LRRK1: variants seen among roughly 807,000 people sequenced by gnomAD.
LRRK1 encodes leucine rich repeat kinase 1.
LRRK1 carries 113 observed loss-of-function variants against 209.1 expected under a neutral mutation model. That is an observed-to-expected ratio of 0.54 (90% CI 0.46 to 0.63). LRRK1 has a LOEUF of 0.63. Among genes scored for constraint, LRRK1 ranks in the 30% least tolerant of loss-of-function variants. The pLI is 0.00. For missense variants in LRRK1, 2,284 were observed against 2,632.2 expected (o/e 0.87, Z 2.89); for synonymous variants, 1,144 against 1,099.7 (o/e 1.04, Z -0.80).
At position 101,022,795 on chromosome 15, in the gene LRRK1, GTTTTCTTTTTCTTTAC is replaced by G. The variant is rs1043829255; in HGVS notation, c.2067+209_2067+224del. Among the ~76,000 whole-genome samples, 37 of 151,596 alleles carry G rather than the reference GTTTTCTTTTTCTTTAC, an allele frequency of 2.4e-4. 1 individual carries two copies. Among genetic ancestry groups the G allele is most frequent in the Admixed American group, 5.9e-4 (9 of 15,254 alleles). ...TCATTTCTTAATGTGACTTTGTGAT[GTTTTCTTTTTCTTTAC>G]TTTTCTTTTTTTTTTTTCTTGAGAC... On this transcript the variant is annotated intron_variant, in intron 15 of 33. Transcript: ENST00000388948. This position sits in a 1 kb window ranked among gnomAD's most constrained non-coding sequence, Gnocchi z 4.0.
intron 10 of LRRK1, among the ~76,000 whole-genome samples, chr15:101,013,322 G>A (rs908239402): frequency 6.6e-6 from 1 of 152,228 alleles, no homozygotes; most frequent in Non-Finnish European, 1.5e-5. Context: ...ATTTAATGTG[G>A]GGCAGCAAAC....
Position 101,065,974 on chromosome 15 carries a change from C to T in LRRK1, c.5537C>T (p.Ser1846Leu), listed in dbSNP as rs201730508. The change falls in exon 32 of 34, where the codon TCA (serine) becomes TTA (leucine). Residue 1846 changes from serine to leucine, a missense_variant. By Grantham distance (145) the Ser-to-Leu change is moderately radical. Coordinates refer to ENST00000388948, the MANE Select transcript of LRRK1 (RefSeq NM_024652.6). ...TDYCSMSSYS[S>L]SPPRQAARSP... is the part of the protein sequence containing the mutation. The stretch of plus-strand genomic sequence containing the variant: ...TACTGCTCCATGTCCTCCTACTCCT[C>T]ATCCCCACCCCGCCAGGCTGCCAGG... 5 of 1,614,056 alleles carry T rather than the reference C, an allele frequency of 3.1e-6. No individual in the cohort carries two copies. Among genetic ancestry groups the T allele is most frequent in the Non-Finnish European group, 4.2e-6 (5 of 1,180,038 alleles).
Position 101,022,614 on chromosome 15 carries a change from G to T in LRRK1, c.2067+17G>T, listed in dbSNP as rs374177935. Reference sequence around the variant, plus strand: ...AGAGCCAAGGTCAAGGATGGTCTGCGTGCAGAGTCCCTGTGGGTGGGAGGA... The same window carrying T: ...AGAGCCAAGGTCAAGGATGGTCTGCTTGCAGAGTCCCTGTGGGTGGGAGGA... On this transcript the variant is annotated intron_variant, in intron 15 of 33. Transcript: ENST00000388948. This position sits in a 1 kb window ranked among gnomAD's most constrained non-coding sequence, Gnocchi z 4.0. 14 of 1,554,766 alleles carry T rather than the reference G, an allele frequency of 9.0e-6. No homozygotes were observed. The highest frequency in any genetic ancestry group is 9.7e-6 in the Non-Finnish European group (11 of 1,138,380).
rs558211433 is a variant in LRRK1, at chr15:101,053,734, G to A, written c.4054+314G>A. Among the ~76,000 whole-genome samples, 25 of 152,336 alleles carry A rather than the reference G, an allele frequency of 1.6e-4. No individual in the cohort carries two copies. In the East Asian group the frequency reaches 4.1e-3, roughly 25 times the overall value. On this transcript the variant is annotated intron_variant, in intron 26 of 33. Coordinates refer to ENST00000388948, the MANE Select transcript of LRRK1 (RefSeq NM_024652.6). The stretch of plus-strand genomic sequence containing the variant: ...TAACAGGCCTCGCTGGGAGGGCACC[G>A]AGCACGGGAGCTGCATTGAATCACT...
rs979749992 is a variant in LRRK1, at chr15:101,066,574, G to A, written c.5769-66G>A. On this transcript the variant is annotated intron_variant, in intron 32 of 33. Coordinates refer to ENST00000388948, the MANE Select transcript of LRRK1 (RefSeq NM_024652.6). ...TCCCTCCCGCACCTTTCTGCACACC[G>A]GCTTCACTCCCCGGAGAGCACGGCT... 55 of 1,467,704 alleles carry A rather than the reference G, an allele frequency of 3.7e-5. No homozygotes were observed. The Middle Eastern group carries it at 6.9e-4, about 19-fold the overall frequency. 90.9% of individuals were successfully genotyped at this position (1,467,704 alleles called of 1,614,324 possible).
At chr15:100,938,943 A>C (rs563436545) in intron 2 of LRRK1, among the ~76,000 whole-genome samples, 238 of 147,004 alleles carry the variant, frequency 1.6e-3, no homozygotes, top group Non-Finnish European at 2.7e-3. Flanking sequence ...AATACAAAAA[A>C]CTAGCGAGGC....
chr15:100,920,290 C>T (rs907889391), intron 1 of LRRK1: 9 of 152,230 alleles, frequency 5.9e-5, no homozygotes, highest in African/African-American at 2.2e-4. Context: ...TTCAGCAAAC[C>T]TCTCACCGTG....
At chr15:100,995,220 G>T (rs780310504) in intron 6 of LRRK1, among the ~76,000 whole-genome samples, 37 of 152,162 alleles carry the variant, frequency 2.4e-4, no homozygotes, top group Admixed American at 1.4e-3. Context: ...ACACCAGCTG[G>T]TCAGTATTTT....
chr15:100,941,370 G>GTGTCTCTGTGTGTGTCTGTGTGTCTGTC (rs1567190876), intron 2 of LRRK1, among the ~76,000 whole-genome samples: 3 of 73,016 alleles, frequency 4.1e-5, no homozygotes, highest in Admixed American at 1.1e-4. Context: ...GTGTGTGCCT[G>GTGTCTCTGTGTGTGTCTGTGTGTCTGTC]TATGTGTGTG....
intron 17 of LRRK1, 123 bp downstream of exon 17, chr15:101,026,260 G>A: frequency 1.0e-6 from 1 of 957,700 alleles, no homozygotes; most frequent in East Asian, 2.6e-5. Context: ...CTGGCCAAGG[G>A]TGGCCATCCA....
intron 2 of LRRK1, among the ~76,000 whole-genome samples, chr15:100,953,238 CATCTT>C (rs1325422068): frequency 2.6e-5 from 4 of 152,136 alleles, no homozygotes; most frequent in African/African-American, 9.7e-5. Context: ...CGAACTTACT[CATCTT>C]ATAACTAAAA....
intron 2 of LRRK1, among the ~76,000 whole-genome samples, chr15:100,947,631 T>C (rs186007184): frequency 1.0e-3 from 156 of 152,328 alleles, no homozygotes; most frequent in African/African-American, 3.6e-3. Context: ...GGAGATTTTA[T>C]AGTTGCTACG....
intron 27 of LRRK1, 91 bp downstream of exon 27, chr15:101,055,314 G>A: frequency 7.9e-7 from 1 of 1,263,100 alleles, no homozygotes. Flanking sequence ...TGAAGCTTCG[G>A]GGCTCAGCAT....
intron 17 of LRRK1, among the ~76,000 whole-genome samples, chr15:101,026,346 T>A (rs1287056115): frequency 6.6e-6 from 1 of 152,228 alleles, no homozygotes; most frequent in East Asian, 1.9e-4. Context: ...GTGCCCCTCT[T>A]TGCTTCCTTT....
chr15:100,959,578 A>T (rs2141632612), intron 2 of LRRK1, among the ~76,000 whole-genome samples: 1 of 152,276 alleles, frequency 6.6e-6, no homozygotes, highest in East Asian at 1.9e-4. Context: ...TCCATAGAGG[A>T]AATGAGAGTG....
At chr15:100,926,352 C>A (rs1457697406) in intron 2 of LRRK1, among the ~76,000 whole-genome samples, 3 of 152,180 alleles carry the variant, frequency 2.0e-5, no homozygotes, top group Admixed American at 2.0e-4. Context: ...TATCCTCCTG[C>A]TGCTCCTCTT....
intron 2 of LRRK1, among the ~76,000 whole-genome samples, chr15:100,951,296 G>A (rs754124570): frequency 6.6e-6 from 1 of 152,168 alleles, no homozygotes; most frequent in Non-Finnish European, 1.5e-5. Context: ...AATGGCAAGC[G>A]GTAGTCAGGA....
At chr15:101,064,160 C>G (rs368461705) in intron 31 of LRRK1, among the ~76,000 whole-genome samples, 1 of 152,278 alleles carries the variant, frequency 6.6e-6, no homozygotes, top group Non-Finnish European at 1.5e-5. Flanking sequence ...AGATAGAGAC[C>G]TGGAGCCTGT....
At chr15:101,021,365 A>G (rs936291143) in intron 13 of LRRK1, among the ~76,000 whole-genome samples, 183 bp downstream of exon 13, 1 of 152,196 alleles carries the variant, frequency 6.6e-6, no homozygotes, top group Non-Finnish European at 1.5e-5. Context: ...AAGACGGAGT[A>G]GCAATGCAAT....
Sources: allele counts gnomAD v4.1 joint callset (sites outside exome capture counted in the v4.1 genomes callset), GRCh38; gene constraint gnomAD v4.1.1; non-coding constraint Gnocchi (gnomAD v3.1); transcripts MANE v1.5; gene names NCBI Gene and HGNC (gene_info 2026-07-23, HGNC 2026-07-21).